The following NUP88 variants were observed in gnomAD, a reference collection of about 807,000 sequenced individuals.
NUP88 encodes nucleoporin 88, also known as nuclear pore complex protein Nup88.
NUP88 carries 57 observed loss-of-function variants against 93.9 expected under a neutral mutation model. The observed-to-expected ratio is 0.61, with a 90% confidence interval of 0.49 to 0.76. The LOEUF is 0.76. NUP88 is among the 30% of genes least tolerant of loss of function. NUP88 has a pLI of 0.00. For synonymous variants in NUP88, 346 were observed against 336.8 expected, an observed-to-expected ratio of 1.03 and a Z score of -0.30; for missense variants, 911 against 901.0, an observed-to-expected ratio of 1.01 and a Z score of -0.14.
intron 15 of NUP88, 70 bp downstream of exon 15, chr17:5,386,914 G>C (rs565527139): frequency 6.3e-7 from 1 of 1,595,716 alleles, no homozygotes; most frequent in South Asian, 1.1e-5. Flanking sequence ...TTACATTTTT[G>C]TAAAATTTTC....
chr17:5,402,238 C>A (rs1452976261), intron 7 of NUP88, among the ~76,000 whole-genome samples: 1 of 151,586 alleles, frequency 6.6e-6, no homozygotes, highest in East Asian at 1.9e-4. Context: ...ACCCAGGGGG[C>A]GGAGGTTGAA....
At chr17:5,387,576 A>G (rs910990998) in intron 13 of NUP88, 29 bp downstream of exon 13, 16 of 1,602,680 alleles carry the variant, frequency 1.0e-5, no homozygotes, top group Non-Finnish European at 1.2e-5. Flanking sequence ...TTACTGACCT[A>G]TTGTATTCTT....
At chr17:5,411,852 TTAAG>T (rs1013641270) in intron 3 of NUP88, among the ~76,000 whole-genome samples, 1 of 152,162 alleles carries the variant, frequency 6.6e-6, no homozygotes, top group Non-Finnish European at 1.5e-5. Context: ...AAATGCCACA[TTAAG>T]TATTTAATAA....
chr17:5,387,560 C>G (rs777979098), intron 13 of NUP88, 45 bp downstream of exon 13: 9 of 1,596,760 alleles, frequency 5.6e-6, no homozygotes, highest in Non-Finnish European at 7.7e-6. Context: ...GAATATGGTT[C>G]CAGTCTTACT....
rs756217146 is a variant in NUP88 at position 5,414,136 on chromosome 17, T to G, written c.468-2A>C. 1 of 1,610,956 alleles carries G rather than the reference T, an allele frequency of 6.2e-7. No homozygotes were observed. Among genetic ancestry groups the G allele is most frequent in the Non-Finnish European group, 8.5e-7 (1 of 1,178,280 alleles). On this transcript the variant is annotated splice_acceptor_variant, in intron 2 of 16. Coordinates refer to ENST00000573584, the MANE Select transcript of NUP88 (RefSeq NM_002532.6). LOFTEE classifies it high-confidence loss of function. ...AATCTCTCCGCAACTGGAGTGGTAC[T>G]AAAATAAAGATAATAATTTTCCAAA... is the stretch of plus-strand genomic sequence containing the variant.
At chr17:5,410,527 T>C (rs1913772594) in intron 4 of NUP88, among the ~76,000 whole-genome samples, 176 bp downstream of exon 4, 1 of 151,988 alleles carries the variant, frequency 6.6e-6, no homozygotes, top group Non-Finnish European at 1.5e-5. Context: ...AGCCTAGGAG[T>C]TCCAGACCAG....
intron 9 of NUP88, among the ~76,000 whole-genome samples, chr17:5,391,962 CTT>C (rs1418150900): frequency 7.3e-6 from 1 of 137,092 alleles, no homozygotes; most frequent in African/African-American, 2.7e-5. Flanking sequence ...CCCCAGCTAT[CTT>C]TGTTTGCCTA....
chr17:5,387,944 G>C lies in NUP88; in HGVS notation c.1644-40C>G, dbSNP rs947945208. 3 of 1,557,636 alleles carry C rather than the reference G, an allele frequency of 1.9e-6. No homozygotes were observed. In the African/African-American group the frequency reaches 4.5e-5, roughly 23 times the overall value. ...TTCTACCTTTATTTTCCTTAGCTGAGTAAAACAACTGAAAATAAATAGACT... is the reference window on the plus strand; with the variant it reads ...TTCTACCTTTATTTTCCTTAGCTGACTAAAACAACTGAAAATAAATAGACT... On this transcript the variant is annotated intron_variant, in intron 11 of 16. Coordinates refer to ENST00000573584, the MANE Select transcript of NUP88 (RefSeq NM_002532.6).
Position 5,405,180 on chromosome 17 carries a change from A to G in NUP88, c.921T>C (p.Tyr307=). 6.2e-7 allele frequency: 1 copy of G among 1,614,180 alleles called. No individual in the cohort carries two copies. Among genetic ancestry groups the G allele is most frequent in the Non-Finnish European group, 8.5e-7 (1 of 1,180,012 alleles). ...LPMHPAAEDN[Y]GYDACAVLCL... ...AGAGTACAGCACACGCATCATAACC[A>G]TAGTTATCTTCAGCCGCAGGATGCA... Residue 307 remains tyrosine, a synonymous_variant, in exon 6 of 17, where the codon TAT becomes TAC. Transcript: ENST00000573584.
rs532809527 is a variant in NUP88 at position 5,391,680 on chromosome 17, T to G, written c.1383-18A>C. On this transcript the variant is annotated intron_variant, in intron 9 of 16. Transcript: ENST00000573584. ...CTGGCTGCCTGGAAAAACACAGTCATAGTTAAATTACAAAGCAGCAAATGC... is the reference window on the plus strand; with the variant it reads ...CTGGCTGCCTGGAAAAACACAGTCAGAGTTAAATTACAAAGCAGCAAATGC... 3 of 1,598,424 alleles carry G rather than the reference T, an allele frequency of 1.9e-6. No homozygotes were observed. Among genetic ancestry groups the G allele is most frequent in the Non-Finnish European group, 2.6e-6 (3 of 1,166,150 alleles).
intron 2 of NUP88, 26 bp downstream of exon 2, chr17:5,416,487 A>G: frequency 6.6e-7 from 1 of 1,505,386 alleles, no homozygotes. Flanking sequence ...ATAATAAATT[A>G]TACAGATAAA....
At chr17:5,390,708 T>C (rs79787983) in intron 10 of NUP88, among the ~76,000 whole-genome samples, 1 of 45,840 alleles carries the variant, frequency 2.2e-5, no homozygotes, top group Non-Finnish European at 4.0e-5. Flanking sequence ...GCTTTTTTGT[T>C]TTTTTTTTTA....
chr17:5,396,924 CTG>C (rs1912813430), intron 8 of NUP88, among the ~76,000 whole-genome samples: 1 of 152,174 alleles, frequency 6.6e-6, no homozygotes, highest in South Asian at 2.1e-4. Flanking sequence ...ATTTGCCCAA[CTG>C]TATCAAATGC....
intron 13 of NUP88, 56 bp from the exon 14 acceptor site, chr17:5,387,522 CCTAA>C: frequency 1.3e-6 from 2 of 1,588,720 alleles, no homozygotes; most frequent in Non-Finnish European, 1.7e-6. Flanking sequence ...GCTGAAACCA[CCTAA>C]TGTGGCTCAG....
chr17:5,410,711 G>A lies in NUP88; in HGVS notation c.672C>T (p.Leu224=). Residue 224 remains leucine, a synonymous_variant, in exon 4 of 17, where the codon CTC becomes CTT. Coordinates refer to ENST00000573584, the MANE Select transcript of NUP88 (RefSeq NM_002532.6). ...LSEAEEESLV[L]NKGRAYTASL... ...CTCAAATAAAAACTTACCCTTTATT[G>A]AGTACTAGACTTTCCTCTTCGGCTT... 3 of 1,591,376 alleles carry A rather than the reference G, an allele frequency of 1.9e-6. No individual in the cohort carries two copies. Among genetic ancestry groups the A allele is most frequent in the South Asian group, 1.1e-5 (1 of 89,242 alleles).
In NUP88 at chr17:5,390,773, G is replaced by C. The variant is rs745847442; in HGVS notation, c.1484+788C>G. Among the ~76,000 whole-genome samples the C allele has an allele frequency of 1.8e-4, 27 of 152,068 alleles. 1 individual carries two copies. The highest frequency in any genetic ancestry group is 1.6e-4 in the Non-Finnish European group (11 of 67,966). ...GGCTGTAGTGCAGTGGCATGATCAT[G>C]GTTCACTGCAGCCTAAAACTCCTGG... is the stretch of plus-strand genomic sequence containing the variant. On this transcript the variant is annotated intron_variant, in intron 10 of 16. Coordinates refer to ENST00000573584, the MANE Select transcript of NUP88 (RefSeq NM_002532.6).
Position 5,400,139 on chromosome 17 carries a change from TTAA to T in NUP88, c.1193-492_1193-490del, listed in dbSNP as rs1428476129. Among the ~76,000 whole-genome samples the T allele has an allele frequency of 7.2e-5, 8 of 111,650 alleles. No homozygotes were observed. In the East Asian group the frequency reaches 1.6e-3, roughly 22 times the overall value. The allele number at this position is 111,650 out of a possible 152,430, so 73.2% of individuals were successfully genotyped here. ...GCAGGGTTGCCACATCTTTCATTTG[TTAA>T]AAAAAAAAAAAAAAAGCACTGTGAA... On this transcript the variant is annotated intron_variant, in intron 7 of 16. Transcript: ENST00000573584.
chr17:5,391,338 C>T, intron 10 of NUP88: 1 of 455,480 alleles, frequency 2.2e-6, no homozygotes, highest in Non-Finnish European at 3.9e-6. Flanking sequence ...AGAAAAGCTC[C>T]TGACTCTCAG....
intron 5 of NUP88, among the ~76,000 whole-genome samples, chr17:5,406,128 C>A (rs1474045247): frequency 3.3e-5 from 5 of 151,942 alleles, no homozygotes; most frequent in African/African-American, 1.2e-4. Context: ...AATTACTATA[C>A]CATGTGATAA....
Sources: allele counts gnomAD v4.1 joint callset (sites outside exome capture counted in the v4.1 genomes callset), GRCh38; gene constraint gnomAD v4.1.1; transcripts MANE v1.5; gene names NCBI Gene and HGNC (gene_info 2026-07-23, HGNC 2026-07-21).